Variants in PRRC2B observed in about 807,000 individuals in gnomAD.
PRRC2B encodes protein PRRC2B.
Under a neutral mutation model 242.3 loss-of-function variants are expected in PRRC2B, and 68 were observed. That is an observed-to-expected ratio of 0.28 (90% CI 0.23 to 0.34). The LOEUF (loss-of-function observed/expected upper bound fraction) is 0.34, where lower values mean the gene tolerates loss of function less well. Among genes scored for constraint, PRRC2B ranks in the 10% least tolerant of loss-of-function variants. The pLI is 1.00. For missense variants in PRRC2B, 2,835 were observed against 2,954.8 expected (o/e 0.96, Z 0.94); for synonymous variants, 1,228 against 1,173.6 (o/e 1.05, Z -0.95).
intron 5 of PRRC2B, among the ~76,000 whole-genome samples, chr9:131,441,347 C>G (rs551627890): frequency 2.6e-5 from 4 of 152,052 alleles, no homozygotes; most frequent in Non-Finnish European, 5.9e-5. Context: ...ACTGTGTTAC[C>G]TATAAAAAAT....
Position 131,499,244 on chromosome 9 carries a change from G to C in PRRC2B, c.*3370G>C, listed in dbSNP as rs3739499. On this transcript the variant is annotated 3_prime_UTR_variant, in exon 32 of 32. Coordinates refer to ENST00000683519, the MANE Select transcript of PRRC2B (RefSeq NM_013318.4). ...GTCAGTGACAGCTTCTGGAAGCTGA[G>C]CACACACAGGTGCACAGCCATGCTG... is the stretch of plus-strand genomic sequence containing the variant. 1 of 152,226 alleles carries C rather than the reference G, an allele frequency of 6.6e-6. No homozygotes were observed. Among genetic ancestry groups the C allele is most frequent in the East Asian group, 1.9e-4 (1 of 5,186 alleles). 9.4% of individuals were successfully genotyped at this position (152,226 alleles called of 1,614,324 possible).
chr9:131,468,657 T>C lies in PRRC2B; in HGVS notation c.1911+904T>C, dbSNP rs538733900. Reference sequence around the variant, plus strand: ...GCATTTTGGTGGGACACTGAGATGATACATAGACATTACTTAGTGCACACC... The same window carrying C: ...GCATTTTGGTGGGACACTGAGATGACACATAGACATTACTTAGTGCACACC... On this transcript the variant is annotated intron_variant, in intron 13 of 31. Coordinates refer to ENST00000683519, the MANE Select transcript of PRRC2B (RefSeq NM_013318.4). Among the ~76,000 whole-genome samples the C allele has an allele frequency of 4.7e-4, 72 of 152,236 alleles. No individual in the cohort carries two copies. In the Middle Eastern group the frequency reaches 0.01, roughly 22 times the overall value.
chr9:131,448,548 A>AAAACAAAAAAAAAC (rs1838891651), intron 9 of PRRC2B, among the ~76,000 whole-genome samples: 3 of 83,138 alleles, frequency 3.6e-5, no homozygotes, highest in Non-Finnish European at 4.9e-5. Context: ...TGTCTCAAAA[A>AAAACAAAAAAAAAC]AAAAAAAAAA....
chr9:131,499,809 CT>C lies in PRRC2B; in HGVS notation c.*3936del, dbSNP rs1405329227. On this transcript the variant is annotated 3_prime_UTR_variant, in exon 32 of 32. Transcript: ENST00000683519. ...TTTCTCCCGTGATCTAAAGGGGACA[CT>C]GTACTCAAGCTTTTGACCTCATGCC... 1 of 152,224 alleles carries C rather than the reference CT, an allele frequency of 6.6e-6. No homozygotes were observed. The highest frequency in any genetic ancestry group is 1.5e-5 in the Non-Finnish European group (1 of 68,040). 9.4% of individuals were successfully genotyped at this position (152,224 alleles called of 1,614,324 possible).
Position 131,475,058 on chromosome 9 carries a change from A to C in PRRC2B, c.2929A>C (p.Lys977Gln). The C allele has an allele frequency of 1.2e-6, 2 of 1,610,824 alleles. No homozygotes were observed. Among genetic ancestry groups the C allele is most frequent in the Non-Finnish European group, 1.7e-6 (2 of 1,178,468 alleles). The change falls in exon 16 of 32, where the codon AAG becomes CAG. Residue 977 changes from lysine (K) to glutamine (Q), a missense_variant. Transcript: ENST00000683519. ...GEESTRLAKE[K>Q]EQSPTAEKDE... The stretch of plus-strand genomic sequence containing the variant: ...GGAGAGTACCCGGCTGGCCAAGGAG[A>C]AGGAGCAGAGCCCCACGGCAGAAAA...
chr9:131,420,452 T>TCC (rs767698604), intron 1 of PRRC2B, among the ~76,000 whole-genome samples: 18 of 66,584 alleles, frequency 2.7e-4, no homozygotes, highest in African/African-American at 8.8e-4. Flanking sequence ...TTTCTTTTTC[T>TCC]TTTTCTTTCT....
intron 19 of PRRC2B, among the ~76,000 whole-genome samples, chr9:131,480,950 C>G (rs192646854): frequency 1.7e-4 from 26 of 151,930 alleles, no homozygotes; most frequent in African/African-American, 5.6e-4. Flanking sequence ...GCTTGAAGAT[C>G]ACTTGAGATC....
intron 11 of PRRC2B, among the ~76,000 whole-genome samples, chr9:131,463,800 T>TG (rs1943312194): frequency 6.6e-6 from 1 of 150,874 alleles, no homozygotes; most frequent in Admixed American, 6.6e-5. Context: ...CGTATTTTTT[T>TG]GGGGGGCTGG....
At chr9:131,389,213 T>G (rs1052463106), upstream of PRRC2B, among the ~76,000 whole-genome samples, 4 of 146,970 alleles carry the variant, frequency 2.7e-5, no homozygotes, top group South Asian at 2.2e-4. Context: ...AATGCAGTGC[T>G]GGGATCACGG....
chr9:131,374,599 C>G (rs1277912809), intron 1 of PRRC2B, among the ~76,000 whole-genome samples: 1 of 152,062 alleles, frequency 6.6e-6, no homozygotes, highest in South Asian at 2.1e-4. Context: ...GATCTTGGCT[C>G]ACTGCAACCT....
At position 131,491,531 on chromosome 9, in the gene PRRC2B, G is replaced by A; in HGVS notation, c.6332G>A (p.Arg2111Lys). 6.2e-7 allele frequency: 1 copy of A among 1,612,134 alleles called. No homozygotes were observed. Among genetic ancestry groups the A allele is most frequent in the East Asian group, 2.2e-5 (1 of 44,844 alleles). Residue 2111 changes from arginine to lysine, a missense_variant, in exon 29 of 32, where the codon AGG becomes AAG. By Grantham distance (26) the Arg-to-Lys change is conservative. Around this residue, in one of 7 missense-constraint regions of PRRC2B, gnomAD observed 574 missense variants for 626.0 expected, o/e 0.92. Transcript: ENST00000683519. The part of the protein sequence containing the change: ...GQSLSVGAPR[R>K]IPPPGSQPPV... ...AGCCTCTCCGTTGGGGCCCCCCGAA[G>A]GATTCCTCCGCCCGGGTCCCAGCCG...
chr9:131,457,060 C>G (rs971650404), intron 10 of PRRC2B, among the ~76,000 whole-genome samples: 1 of 152,092 alleles, frequency 6.6e-6, no homozygotes, highest in African/African-American at 2.4e-5. Flanking sequence ...TCATCTTTTT[C>G]TTTGTTATTT....
intron 1 of PRRC2B, among the ~76,000 whole-genome samples, chr9:131,412,620 A>G (rs2994039): frequency 0.98 from 148,999 of 152,324 alleles, 72,968 homozygotes; most frequent in East Asian, 1. Flanking sequence ...TGCTCTGCTG[A>G]CGCTGTAAAG....
At position 131,438,094 on chromosome 9, in the gene PRRC2B, A is replaced by T. The variant is rs566684660; in HGVS notation, c.397-895A>T. Among the ~76,000 whole-genome samples the T allele has an allele frequency of 2.9e-4, 44 of 152,328 alleles. No homozygotes were observed. The South Asian group carries it at 8.7e-3, about 30-fold the overall frequency. On this transcript the variant is annotated intron_variant, in intron 4 of 31. Coordinates refer to ENST00000683519, the MANE Select transcript of PRRC2B (RefSeq NM_013318.4). Reference sequence around the variant, plus strand: ...CATATGTGAGGGGCAGGTAAGAAGAAGTGCCCAGTGTTGTGCGAGTTTTAG... The same window carrying T: ...CATATGTGAGGGGCAGGTAAGAAGATGTGCCCAGTGTTGTGCGAGTTTTAG...
intron 8 of PRRC2B, among the ~76,000 whole-genome samples, chr9:131,447,427 G>A (rs1288059400): frequency 6.6e-6 from 1 of 152,108 alleles, no homozygotes; most frequent in Non-Finnish European, 1.5e-5. Context: ...GTTCTGGCAC[G>A]TGTGTGTTGC....
At chr9:131,491,382 CA>C (rs1389991083) in intron 28 of PRRC2B, 42 bp from the exon 29 acceptor site, 2 of 1,542,362 alleles carry the variant, frequency 1.3e-6, no homozygotes, top group African/African-American at 1.4e-5. Flanking sequence ...GGGGTTTCTC[CA>C]TAGCATCATT....
chr9:131,405,460 T>G (rs993790931), intron 1 of PRRC2B, among the ~76,000 whole-genome samples: 5 of 152,200 alleles, frequency 3.3e-5, no homozygotes, highest in Non-Finnish European at 5.9e-5. Flanking sequence ...TAATATTCAT[T>G]GCTGTTGGCG....
intron 19 of PRRC2B, among the ~76,000 whole-genome samples, chr9:131,480,317 T>C (rs926338118): frequency 3.3e-5 from 5 of 152,190 alleles, no homozygotes; most frequent in African/African-American, 7.2e-5. Context: ...CAAAATAACA[T>C]TCAACATGCC....
chr9:131,419,416 G>T (rs1362644930), intron 1 of PRRC2B, among the ~76,000 whole-genome samples: 1 of 152,212 alleles, frequency 6.6e-6, no homozygotes, highest in East Asian at 1.9e-4. Flanking sequence ...CGGGTCCCCA[G>T]TGCACAGGAG....
Sources: allele counts gnomAD v4.1 joint callset (sites outside exome capture counted in the v4.1 genomes callset), GRCh38; gene constraint gnomAD v4.1.1; regional missense constraint gnomAD v4.1.1; transcripts MANE v1.5; gene names NCBI Gene and HGNC (gene_info 2026-07-23, HGNC 2026-07-21).